The following NEBL variants were observed in gnomAD, a reference collection of about 807,000 sequenced individuals.
NEBL encodes the protein nebulette.
In NEBL, 122 loss-of-function variants were observed where a neutral mutation model predicts 140.2. The ratio of observed to expected loss-of-function variants is 0.87; its 90% confidence interval spans 0.75 to 1.01. NEBL has a LOEUF of 1.01. Ranked by LOEUF, NEBL falls within the 50% of genes least tolerant of loss-of-function variation. NEBL has a pLI of 0.00. For missense variants in NEBL, 1,365 were observed against 1,231.3 expected, an observed-to-expected ratio of 1.11 and a Z score of -1.62; for synonymous variants, 436 against 398.9, an observed-to-expected ratio of 1.09 and a Z score of -1.11.
intron 2 of NEBL, among the ~76,000 whole-genome samples, chr10:21,093,050 T>G (rs1359125923): frequency 6.6e-6 from 1 of 152,144 alleles, no homozygotes; most frequent in Non-Finnish European, 1.5e-5. Flanking sequence ...CCTTGTACAA[T>G]TTATTGTATT....
intron 26 of NEBL, among the ~76,000 whole-genome samples, chr10:20,800,149 C>T (rs1564334892): frequency 6.6e-6 from 1 of 151,458 alleles, no homozygotes; most frequent in Non-Finnish European, 1.5e-5. Context: ...CCATCGTAAC[C>T]ATTGTTTTAT....
At chr10:20,900,974 C>T (rs553544735), upstream of NEBL, among the ~76,000 whole-genome samples, 13 of 150,090 alleles carry the variant, frequency 8.7e-5, no homozygotes, top group African/African-American at 2.7e-4. Context: ...GCCAAGATCG[C>T]GCCACTGCAC....
At chr10:21,031,374 A>G (rs1275954492) in intron 2 of NEBL, among the ~76,000 whole-genome samples, 1 of 152,210 alleles carries the variant, frequency 6.6e-6, no homozygotes, top group African/African-American at 2.4e-5. Flanking sequence ...AGAGGGAACA[A>G]CAGGAACAAA....
chr10:20,995,425 G>A (rs905379742), intron 3 of NEBL, among the ~76,000 whole-genome samples: 1 of 152,096 alleles, frequency 6.6e-6, no homozygotes, highest in Non-Finnish European at 1.5e-5. Flanking sequence ...CAAAATGAGA[G>A]CTGCCACATA....
chr10:20,946,981 A>G (rs1227770746), intron 4 of NEBL, among the ~76,000 whole-genome samples: 2 of 152,176 alleles, frequency 1.3e-5, no homozygotes, highest in Non-Finnish European at 2.9e-5. Context: ...ACTGACTCCA[A>G]AGAATTTGGT....
chr10:21,241,126 G>A (rs1842433185), intron 3 of NEBL, among the ~76,000 whole-genome samples: 1 of 151,860 alleles, frequency 6.6e-6, no homozygotes, highest in South Asian at 2.1e-4. Flanking sequence ...ACCCTTTCAC[G>A]TGTTTATTTC....
At position 20,835,634 on chromosome 10, in the gene NEBL, C is replaced by T. The variant is rs777696844; in HGVS notation, c.1339-11G>A. On this transcript the variant is annotated splice_polypyrimidine_tract_variant and intron_variant, in intron 13 of 27. Coordinates refer to ENST00000377122, the MANE Select transcript of NEBL (RefSeq NM_006393.3). ...TTTCTTGTATTCTTTCTGCAAAAGACAACATTTTACAACATTCAAACACTC... is the reference window on the plus strand; with the variant it reads ...TTTCTTGTATTCTTTCTGCAAAAGATAACATTTTACAACATTCAAACACTC... 11 of 1,535,780 alleles carry T rather than the reference C, an allele frequency of 7.2e-6. No individual in the cohort carries two copies. The highest frequency in any genetic ancestry group is 9.0e-6 in the Non-Finnish European group (10 of 1,113,258).
chr10:20,865,474 C>A (rs943845896), intron 7 of NEBL, among the ~76,000 whole-genome samples: 3 of 152,114 alleles, frequency 2.0e-5, no homozygotes, highest in Middle Eastern at 3.2e-3. Context: ...CCAGGTACAG[C>A]CCAGCTCCAG....
intron 3 of NEBL, among the ~76,000 whole-genome samples, chr10:21,239,180 GC>G (rs1842402354): frequency 6.6e-6 from 1 of 152,034 alleles, no homozygotes; most frequent in Admixed American, 6.5e-5. Flanking sequence ...ACTGCCCAAA[GC>G]CCCTGAATAA....
Position 21,206,624 on chromosome 10 carries a change from T to C in NEBL, n.349-34147A>G, listed in dbSNP as rs139368307. Among the ~76,000 whole-genome samples the C allele has an allele frequency of 3.3e-5, 5 of 152,300 alleles. No individual in the cohort carries two copies. The East Asian group carries it at 7.7e-4, about 24-fold the overall frequency. On this transcript the variant is annotated intron_variant and non_coding_transcript_variant, in intron 3 of 8. Coordinates refer to the NEBL transcript ENST00000675702. ...GGGTTGCAGCAGAGAAAAAGTTTTG[T>C]AGTAGGGCCACTGAATGAGGAGACA...
rs727504979 is a variant in NEBL at position 20,812,802 on chromosome 10, C to G, written c.2485G>C (p.Val829Leu). The change falls in exon 24 of 28, where the codon GTG (valine) becomes CTG (leucine). Residue 829 changes from valine to leucine, a missense_variant. Transcript: ENST00000377122. Reference protein sequence around the residue: ...AAYKGVHPHIVEMDRRPGIIV... With the variant: ...AAYKGVHPHILEMDRRPGIIV... ...ATTCCAGGTCTCCTGTCCATCTCCA[C>G]GATGTGAGGGTGGACCCCTTTATAG... The G allele has an allele frequency of 6.2e-7, 1 of 1,613,980 alleles. No homozygotes were observed. The highest frequency in any genetic ancestry group is 8.5e-7 in the Non-Finnish European group (1 of 1,179,938).
intron 2 of NEBL, among the ~76,000 whole-genome samples, chr10:21,031,457 C>A (rs546516054): frequency 6.6e-6 from 1 of 152,338 alleles, no homozygotes; most frequent in East Asian, 1.9e-4. Flanking sequence ...CACGCCTATT[C>A]CTGCCGCGAT....
intron 26 of NEBL, among the ~76,000 whole-genome samples, chr10:20,799,709 C>T (rs1331793000): frequency 6.6e-6 from 1 of 152,032 alleles, no homozygotes; most frequent in Non-Finnish European, 1.5e-5. Context: ...GAAGGGTCAC[C>T]AATCAGTAGT....
intron 4 of NEBL, among the ~76,000 whole-genome samples, chr10:20,935,660 G>C (rs1355142236): frequency 6.6e-6 from 1 of 152,212 alleles, no homozygotes; most frequent in African/African-American, 2.4e-5. Flanking sequence ...AATTTCAGAA[G>C]AAATACACGG....
chr10:20,991,771 C>T (rs370425241), intron 3 of NEBL, among the ~76,000 whole-genome samples: 1 of 150,132 alleles, frequency 6.7e-6, no homozygotes, highest in South Asian at 2.2e-4. Flanking sequence ...TCCCTCCCCC[C>T]CTCCCCTTTT....
At chr10:21,007,949 A>G (rs891945183) in intron 3 of NEBL, among the ~76,000 whole-genome samples, 1 of 152,228 alleles carries the variant, frequency 6.6e-6, no homozygotes, top group African/African-American at 2.4e-5. Context: ...AAGCTAATTC[A>G]CAGATGGGGA....
At chr10:21,103,270 T>C (rs1837558111) in intron 2 of NEBL, among the ~76,000 whole-genome samples, 2 of 151,088 alleles carry the variant, frequency 1.3e-5, no homozygotes, top group South Asian at 4.2e-4. Context: ...TGGAGTGCAG[T>C]GGCTGCAATC....
chr10:21,214,759 G>A (rs1160193416), intron 3 of NEBL, among the ~76,000 whole-genome samples: 1 of 152,110 alleles, frequency 6.6e-6, no homozygotes, highest in Non-Finnish European at 1.5e-5. Flanking sequence ...ATGTAAAAAG[G>A]GAAAAAATGG....
intron 2 of NEBL, among the ~76,000 whole-genome samples, chr10:21,073,395 T>TCACTTGAGGTCAGGAGTTCAAGAC (rs1835908415): frequency 6.6e-6 from 1 of 151,058 alleles, no homozygotes. Context: ...GGCAGGTGGA[T>TCACTTGAGGTCAGGAGTTCAAGAC]CACTTGAGGT....
Sources: allele counts gnomAD v4.1 joint callset (sites outside exome capture counted in the v4.1 genomes callset), GRCh38; gene constraint gnomAD v4.1.1; transcripts MANE v1.5; gene names NCBI Gene and HGNC (gene_info 2026-07-23, HGNC 2026-07-21).